Variants in RIMS2 observed in about 807,000 individuals in gnomAD.
RIMS2 encodes regulating synaptic membrane exocytosis protein 2.
RIMS2 carries 59 observed loss-of-function variants against 174.4 expected under a neutral mutation model. The observed-to-expected ratio is 0.34, with a 90% confidence interval of 0.27 to 0.42. The LOEUF is 0.42. Among genes scored for constraint, RIMS2 ranks in the 10% least tolerant of loss-of-function variants. The pLI is 1.00. For synonymous variants in RIMS2, 606 were observed against 572.5 expected, an observed-to-expected ratio of 1.06 and a Z score of -0.84; for missense variants, 1,620 against 1,666.3, an observed-to-expected ratio of 0.97 and a Z score of 0.48.
intron 17 of RIMS2, among the ~76,000 whole-genome samples, chr8:104,007,747 G>A (rs1412967141): frequency 6.6e-6 from 1 of 152,082 alleles, no homozygotes; most frequent in Non-Finnish European, 1.5e-5. Context: ...GGTATTGAAT[G>A]TTGAGATCAT....
At chr8:104,176,754 A>G (rs905484911) in intron 19 of RIMS2, among the ~76,000 whole-genome samples, 1 of 151,768 alleles carries the variant, frequency 6.6e-6, no homozygotes, top group East Asian at 1.9e-4. Flanking sequence ...AAAATGAAAC[A>G]TAAATAATTG....
intron 19 of RIMS2, among the ~76,000 whole-genome samples, chr8:104,121,129 G>T (rs2098367493): frequency 6.6e-6 from 1 of 152,120 alleles, no homozygotes; most frequent in Non-Finnish European, 1.5e-5. Flanking sequence ...CCTTAAGAAG[G>T]TCAAGGCTAG....
chr8:104,132,006 T>C (rs75820439), intron 19 of RIMS2, among the ~76,000 whole-genome samples: 3,484 of 152,288 alleles, frequency 0.023, 133 homozygotes, highest in African/African-American at 0.079. Flanking sequence ...AAGTAAAGAT[T>C]CTAATTCTTA....
chr8:103,777,083 A>G (rs1397166994), intron 3 of RIMS2, among the ~76,000 whole-genome samples: 1 of 152,106 alleles, frequency 6.6e-6, no homozygotes, highest in Non-Finnish European at 1.5e-5. Context: ...AACAAATTTC[A>G]TTATGCAACA....
At chr8:103,771,126 G>A (rs1456767754) in intron 3 of RIMS2, among the ~76,000 whole-genome samples, 1 of 152,146 alleles carries the variant, frequency 6.6e-6, no homozygotes, top group African/African-American at 2.4e-5. Context: ...AGTATTTATT[G>A]AATGAATGAA....
In RIMS2 at chr8:103,685,195, T is replaced by A. The variant is rs191478030; in HGVS notation, c.177-11891T>A. Among the ~76,000 whole-genome samples the A allele has an allele frequency of 8.8e-4, 134 of 151,566 alleles. 1 individual carries two copies. Among genetic ancestry groups the A allele is most frequent in the African/African-American group, 3.1e-3 (127 of 41,296 alleles). On this transcript the variant is annotated intron_variant, in intron 1 of 23. Coordinates refer to ENST00000504942, the Ensembl canonical transcript of RIMS2. ...CCTGCGTAATTTTTAAAGGAAAGAGTTTTATTTGGCTCATGGTTCTGCAAG... is the reference window on the plus strand; with the variant it reads ...CCTGCGTAATTTTTAAAGGAAAGAGATTTATTTGGCTCATGGTTCTGCAAG...
At chr8:104,052,111 A>G (rs1405209812) in intron 19 of RIMS2, among the ~76,000 whole-genome samples, 2 of 152,202 alleles carry the variant, frequency 1.3e-5, no homozygotes, top group African/African-American at 4.8e-5. Flanking sequence ...GATTGACATC[A>G]AAGCAGCATC....
chr8:103,630,116 A>T (rs947744079), intron 1 of RIMS2, among the ~76,000 whole-genome samples: 2 of 151,160 alleles, frequency 1.3e-5, no homozygotes, highest in Non-Finnish European at 2.9e-5. Flanking sequence ...GCTGAGACAC[A>T]TCATAATCAA....
At chr8:104,147,499 A>G (rs2098651463) in intron 19 of RIMS2, among the ~76,000 whole-genome samples, 1 of 152,160 alleles carries the variant, frequency 6.6e-6, no homozygotes, top group South Asian at 2.1e-4. Flanking sequence ...GAAGACAAAG[A>G]TATTGAATTA....
At chr8:103,673,309 A>C (rs1036327466) in intron 1 of RIMS2, among the ~76,000 whole-genome samples, 2 of 152,194 alleles carry the variant, frequency 1.3e-5, no homozygotes, top group Non-Finnish European at 2.9e-5. Flanking sequence ...TCTACTAGGC[A>C]GTGCCCCAGG....
At chr8:104,174,824 G>C (rs943687743) in intron 19 of RIMS2, among the ~76,000 whole-genome samples, 3 of 152,116 alleles carry the variant, frequency 2.0e-5, no homozygotes, top group African/African-American at 7.2e-5. Context: ...TCTTTGAATA[G>C]GGCTCCCTTC....
intron 17 of RIMS2, chr8:103,998,102 T>C: frequency 9.5e-7 from 1 of 1,051,682 alleles, no homozygotes; most frequent in Non-Finnish European, 1.4e-6. Context: ...TCTTTTAAAA[T>C]CTCACTTTTT....
chr8:104,201,652 A>G (rs1350989181), intron 19 of RIMS2, among the ~76,000 whole-genome samples: 1 of 152,166 alleles, frequency 6.6e-6, no homozygotes, highest in African/African-American at 2.4e-5. Flanking sequence ...TGAACCCTTT[A>G]AATGATGAAA....
At chr8:103,536,374 G>A (rs1454977742) in intron 1 of RIMS2, among the ~76,000 whole-genome samples, 1 of 152,154 alleles carries the variant, frequency 6.6e-6, no homozygotes, top group Admixed American at 6.5e-5. Flanking sequence ...GAAAGGAGAA[G>A]TATTAATGCA....
chr8:104,247,867 G>A lies in RIMS2; in HGVS notation c.3477-834G>A, dbSNP rs1426748453. 3.3e-5 allele frequency among the ~76,000 whole-genome samples: 5 copies of A among 152,312 alleles called. No individual in the cohort carries two copies. The East Asian group carries it at 9.7e-4, about 29-fold the overall frequency. ...AATCTAGGCAATAGCAGCATAGATG[G>A]CATTTAAAACCATGAGACTGGATGA... On this transcript the variant is annotated intron_variant, in intron 20 of 23. Coordinates refer to ENST00000504942, the Ensembl canonical transcript of RIMS2.
At chr8:104,184,569 A>T (rs181490576) in intron 19 of RIMS2, among the ~76,000 whole-genome samples, 1 of 151,684 alleles carries the variant, frequency 6.6e-6, no homozygotes, top group Non-Finnish European at 1.5e-5. Flanking sequence ...TATCAAGGTG[A>T]AATATTTCAC....
chr8:103,946,726 A>T (rs2083898411), intron 14 of RIMS2, among the ~76,000 whole-genome samples: 1 of 152,142 alleles, frequency 6.6e-6, no homozygotes, highest in Non-Finnish European at 1.5e-5. Context: ...ATTCCTATCA[A>T]AATCTAAGCA....
At chr8:104,109,291 T>A (rs978794922) in intron 19 of RIMS2, among the ~76,000 whole-genome samples, 1 of 131,460 alleles carries the variant, frequency 7.6e-6, no homozygotes, top group African/African-American at 3.0e-5. Flanking sequence ...AGTGAGACTC[T>A]GTCTCAAAAA....
chr8:103,940,714 A>G (rs7004037), intron 13 of RIMS2, among the ~76,000 whole-genome samples: 29,944 of 151,970 alleles, frequency 0.2, 3,598 homozygotes, highest in Middle Eastern at 0.36. Context: ...TGTCTCTACT[A>G]AAAATACAAA....
Sources: allele counts gnomAD v4.1 joint callset (sites outside exome capture counted in the v4.1 genomes callset), GRCh38; gene constraint gnomAD v4.1.1; transcripts MANE v1.5; gene names NCBI Gene and HGNC (gene_info 2026-07-23, HGNC 2026-07-21).